Variants in DIP2C observed in about 807,000 individuals in gnomAD.
DIP2C encodes DIP2 acetate--CoA ligase C (putative), also known as disco-interacting protein 2 homolog C.
In DIP2C, 33 loss-of-function variants were observed where a neutral mutation model predicts 192.4. The ratio of observed to expected loss-of-function variants is 0.17; its 90% CI spans 0.13 to 0.23. The LOEUF (loss-of-function observed/expected upper bound fraction) is 0.23, where lower values mean the gene tolerates loss of function less well. Ranked by LOEUF, DIP2C falls within the 10% of genes least tolerant of loss-of-function variation. DIP2C has a pLI of 1.00. For missense variants in DIP2C, 1,537 were observed against 2,110.1 expected (o/e 0.73, Z 5.32); for synonymous variants, 979 against 864.1 (o/e 1.13, Z -2.33).
At chr10:436,277 G>A (rs867797557) in intron 4 of DIP2C, among the ~76,000 whole-genome samples, 2 of 152,210 alleles carry the variant, frequency 1.3e-5, no homozygotes, top group South Asian at 2.1e-4. Flanking sequence ...TGTGGGTAAC[G>A]TGTTGAGCAC....
At chr10:515,715 CTG>C (rs1308505263) in intron 1 of DIP2C, among the ~76,000 whole-genome samples, 2 of 104,428 alleles carry the variant, frequency 1.9e-5, no homozygotes, top group African/African-American at 4.7e-5. Context: ...CAGAGTGAGA[CTG>C]TCTCTCAAAA....
intron 1 of DIP2C, among the ~76,000 whole-genome samples, chr10:619,541 G>GCCCGCCCGCCCGCCCTCCCACCCTCCCA: frequency 1.6e-3 from 111 of 67,956 alleles, no homozygotes; most frequent in African/African-American, 3.5e-3. Flanking sequence ...CCGCCCGCCC[G>GCCCGCCCGCCCGCCCTCCCACCCTCCCA]CCCTCCCACC....
chr10:614,987 A>G (rs1226291168), intron 1 of DIP2C, among the ~76,000 whole-genome samples: 21 of 152,240 alleles, frequency 1.4e-4, no homozygotes, highest in Non-Finnish European at 2.9e-5. Flanking sequence ...TGGACAGGCC[A>G]CCAGATGTGA....
chr10:464,375 C>G (rs575795735), intron 3 of DIP2C, among the ~76,000 whole-genome samples: 5 of 150,012 alleles, frequency 3.3e-5, no homozygotes, highest in Non-Finnish European at 5.9e-5. Flanking sequence ...ATGTGGCCAA[C>G]AAACTTAGAA....
intron 32 of DIP2C, among the ~76,000 whole-genome samples, chr10:290,565 A>G (rs1325630323): frequency 6.6e-6 from 1 of 152,226 alleles, no homozygotes; most frequent in East Asian, 1.9e-4. Flanking sequence ...GGAGGCCCGC[A>G]GATGTGCCCT....
chr10:566,212 C>T (rs936314372), intron 1 of DIP2C, among the ~76,000 whole-genome samples: 1 of 151,986 alleles, frequency 6.6e-6, no homozygotes, highest in Non-Finnish European at 1.5e-5. Context: ...TCGTAGTTAC[C>T]ATTAAGAGTG....
At chr10:481,658 G>A (rs1431320486) in intron 2 of DIP2C, among the ~76,000 whole-genome samples, 1 of 152,202 alleles carries the variant, frequency 6.6e-6, no homozygotes, top group African/African-American at 2.4e-5. Context: ...AAATAAAACT[G>A]CAGCCCAGAT....
intron 1 of DIP2C, among the ~76,000 whole-genome samples, chr10:560,169 T>C (rs913866532): frequency 2.0e-5 from 3 of 152,226 alleles, no homozygotes; most frequent in Admixed American, 6.5e-5. Flanking sequence ...ATAAAGCCAG[T>C]GTCCACTGAT....
chr10:541,137 G>A (rs1015228344), intron 1 of DIP2C, among the ~76,000 whole-genome samples: 1 of 151,102 alleles, frequency 6.6e-6, no homozygotes, highest in Non-Finnish European at 1.5e-5. Flanking sequence ...CACAACACCC[G>A]ATGCTTGGGA....
chr10:530,745 GCT>G (rs933577393), intron 1 of DIP2C, among the ~76,000 whole-genome samples: 1 of 151,504 alleles, frequency 6.6e-6, no homozygotes, highest in Non-Finnish European at 1.5e-5. Flanking sequence ...GGCACCCCCT[GCT>G]GTCAGACGAG....
chr10:284,045 G>C (rs1348378008), intron 34 of DIP2C, among the ~76,000 whole-genome samples: 1 of 152,216 alleles, frequency 6.6e-6, no homozygotes, highest in Admixed American at 6.5e-5. Context: ...ACCATGGACA[G>C]GGCTGGGTAA....
At chr10:508,653 G>A (rs1294560112) in intron 1 of DIP2C, among the ~76,000 whole-genome samples, 2 of 152,160 alleles carry the variant, frequency 1.3e-5, no homozygotes, top group Non-Finnish European at 2.9e-5. Flanking sequence ...GATGCTGAAT[G>A]GGATCATGCA....
intron 24 of DIP2C, 135 bp downstream of exon 24, chr10:356,291 C>T: frequency 9.4e-7 from 1 of 1,058,794 alleles, no homozygotes; most frequent in East Asian, 2.4e-5. Flanking sequence ...AAGTCTCAGT[C>T]AAAATAGCAA....
At chr10:368,830 C>T (rs951670129) in intron 18 of DIP2C, among the ~76,000 whole-genome samples, 5 of 152,236 alleles carry the variant, frequency 3.3e-5, no homozygotes, top group Non-Finnish European at 5.9e-5. Flanking sequence ...AGAAAAGAGA[C>T]GGGTTCCCTT....
At chr10:571,220 A>G (rs1849775994) in intron 1 of DIP2C, among the ~76,000 whole-genome samples, 3 of 152,228 alleles carry the variant, frequency 2.0e-5, no homozygotes, top group African/African-American at 4.8e-5. Context: ...TCTCTCTCCA[A>G]CCTGACAGCA....
rs547931840 is a variant in DIP2C at position 367,867 on chromosome 10, A to G, written c.2132-1456T>C. On this transcript the variant is annotated intron_variant, in intron 18 of 36. Coordinates refer to ENST00000280886, the MANE Select transcript of DIP2C (RefSeq NM_014974.3). Reference sequence around the variant, plus strand: ...CCGGAACCCAGGGCAGAGGACACACACGGGGTGGGGGTGCAGGCTTCTGTT... The same window carrying G: ...CCGGAACCCAGGGCAGAGGACACACGCGGGGTGGGGGTGCAGGCTTCTGTT... 2.6e-5 allele frequency among the ~76,000 whole-genome samples: 4 copies of G among 152,240 alleles called. No individual in the cohort carries two copies. In the South Asian group the frequency reaches 8.3e-4, roughly 32 times the overall value.
intron 1 of DIP2C, among the ~76,000 whole-genome samples, chr10:527,430 G>A (rs1847115926): frequency 6.6e-6 from 1 of 152,218 alleles, no homozygotes; most frequent in African/African-American, 2.4e-5. Context: ...TACTTATGGT[G>A]TGATTTGGGG....
intron 3 of DIP2C, among the ~76,000 whole-genome samples, chr10:461,617 G>C (rs1969786070): frequency 6.6e-6 from 1 of 152,122 alleles, no homozygotes; most frequent in African/African-American, 2.4e-5. Flanking sequence ...GTCAGTATTA[G>C]ACAGATTGAG....
chr10:366,254 G>A, intron 19 of DIP2C, 21 bp downstream of exon 19: 1 of 1,610,564 alleles, frequency 6.2e-7, no homozygotes, highest in South Asian at 1.1e-5. Context: ...GGTGCCCATG[G>A]TAAGACTCTC....
Sources: gnomAD v4.1 joint callset for allele counts (sites outside exome capture counted in the v4.1 genomes callset) on GRCh38, gnomAD v4.1.1 for gene constraint, MANE v1.5 for transcripts, NCBI Gene and HGNC (gene_info 2026-07-23, HGNC 2026-07-21) for gene names.